Variants in WWC2 observed in about 807,000 individuals in gnomAD.
WWC2 encodes the protein WW and C2 domain containing 2.
In WWC2, 101 loss-of-function variants were observed where a neutral mutation model predicts 138.5. That is an observed-to-expected ratio of 0.73 (90% CI 0.62 to 0.86). The LOEUF (loss-of-function observed/expected upper bound fraction) is 0.86. Ranked by LOEUF, WWC2 falls within the 40% of genes least tolerant of loss-of-function variation. WWC2 has a pLI of 0.00. For missense variants in WWC2, 1,420 were observed against 1,419.4 expected (o/e 1.00, Z -0.01); for synonymous variants, 558 against 538.4 (o/e 1.04, Z -0.50).
intron 4 of WWC2, among the ~76,000 whole-genome samples, chr4:183,211,254 G>A (rs1735587505): frequency 6.6e-6 from 1 of 152,130 alleles, no homozygotes; most frequent in South Asian, 2.1e-4. Flanking sequence ...CAAGGTGGGA[G>A]GATCGCTTGA....
At chr4:183,292,284 G>A (rs1738481308) in intron 21 of WWC2, among the ~76,000 whole-genome samples, 2 of 151,814 alleles carry the variant, frequency 1.3e-5, no homozygotes, top group Non-Finnish European at 2.9e-5. Context: ...AGTGCTTTGG[G>A]AGGCCAGAGT....
At chr4:183,142,059 G>T (rs1189699735) in intron 1 of WWC2, among the ~76,000 whole-genome samples, 1 of 152,178 alleles carries the variant, frequency 6.6e-6, no homozygotes, top group Non-Finnish European at 1.5e-5. Context: ...CAGTTTGGTG[G>T]GTTGGAGTGC....
In WWC2 at chr4:183,207,990, G is replaced by C. The variant is rs199755523; in HGVS notation, c.279G>C (p.Arg93Ser). ...TQIEDPRKQWRGEQEKMLKDY... is the reference protein window; with the variant it reads ...TQIEDPRKQWSGEQEKMLKDY... ...TAGAAGATCCAAGAAAACAATGGAG[G>C]GGGGAACAGGAGAAGATGCTCAAGG... Residue 93 changes from arginine (R) to serine (S), a missense_variant, in exon 3 of 23, where the codon AGG (arginine) becomes AGC (serine). Arg to Ser is a moderately radical substitution (Grantham distance 110). Transcript: ENST00000403733. 17 of 1,612,950 alleles carry C rather than the reference G, an allele frequency of 1.1e-5. No homozygotes were observed. Among genetic ancestry groups the C allele is most frequent in the Admixed American group, 3.3e-5 (2 of 59,920 alleles).
chr4:183,115,666 G>A (rs10013421), intron 1 of WWC2, among the ~76,000 whole-genome samples: 7,979 of 152,102 alleles, frequency 0.052, 254 homozygotes, highest in African/African-American at 0.091. Flanking sequence ...ATGTCTGTTC[G>A]TGTCCGTTGC....
At chr4:183,204,938 T>C (rs1223687141) in intron 2 of WWC2, among the ~76,000 whole-genome samples, 3 of 152,242 alleles carry the variant, frequency 2.0e-5, no homozygotes, top group Non-Finnish European at 4.4e-5. Context: ...GTTGAGTATT[T>C]TGTTTCATTT....
chr4:183,102,779 C>T (rs1281691162), intron 1 of WWC2, among the ~76,000 whole-genome samples: 1 of 152,096 alleles, frequency 6.6e-6, no homozygotes, highest in African/African-American at 2.4e-5. Context: ...TGTAGGTTTA[C>T]CCCCTCTTCT....
chr4:183,220,963 A>G (rs548694356), intron 4 of WWC2, among the ~76,000 whole-genome samples: 11 of 152,348 alleles, frequency 7.2e-5, no homozygotes, highest in East Asian at 1.9e-4. Flanking sequence ...TAAGAAAGCT[A>G]ATATACTAAA....
At chr4:183,262,636 G>A (rs948991342) in intron 11 of WWC2, among the ~76,000 whole-genome samples, 1 of 152,212 alleles carries the variant, frequency 6.6e-6, no homozygotes, top group African/African-American at 2.4e-5. Context: ...CTGGGGAGAT[G>A]TCAAAGCTAC....
At chr4:183,138,707 C>T (rs1733199459) in intron 1 of WWC2, among the ~76,000 whole-genome samples, 1 of 152,208 alleles carries the variant, frequency 6.6e-6, no homozygotes. Context: ...ATTTCCTTTT[C>T]TGGCTACTGC....
At chr4:183,136,310 C>A (rs1733111649) in intron 1 of WWC2, among the ~76,000 whole-genome samples, 1 of 151,984 alleles carries the variant, frequency 6.6e-6, no homozygotes, top group African/African-American at 2.4e-5. Flanking sequence ...TTTGGGGCTT[C>A]CTTTTGGATA....
intron 1 of WWC2, among the ~76,000 whole-genome samples, chr4:183,188,972 T>G (rs529167854): frequency 1.8e-4 from 27 of 152,224 alleles, no homozygotes; most frequent in African/African-American, 5.3e-4. Flanking sequence ...TTCCAATCAT[T>G]TAAGCTAATT....
intron 1 of WWC2, among the ~76,000 whole-genome samples, chr4:183,132,457 CTTTT>C (rs761800223): frequency 7.0e-6 from 1 of 142,610 alleles, no homozygotes; most frequent in Non-Finnish European, 1.5e-5. Context: ...TTTTCTGTTT[CTTTT>C]TTTTTTTTTT....
Position 183,173,764 on chromosome 4 carries a change from G to A in WWC2, c.132-19835G>A, listed in dbSNP as rs934639476. Among the ~76,000 whole-genome samples, 2 of 152,110 alleles carry A rather than the reference G, an allele frequency of 1.3e-5. 1 individual carries two copies. The highest frequency in any genetic ancestry group is 1.3e-4 in the Admixed American group (2 of 15,278). ...CGGGGATTCATCCAGAGCCACTTTG[G>A]ACTTGGCTTGAATGGGAAGTAAATG... On this transcript the variant is annotated intron_variant, in intron 1 of 22. Coordinates refer to ENST00000403733, the MANE Select transcript of WWC2 (RefSeq NM_024949.6).
At position 183,318,001 on chromosome 4, in the gene WWC2, C is replaced by G; in HGVS notation, c.*2272C>G. 6.6e-6 allele frequency: 1 copy of G among 152,146 alleles called. No individual in the cohort carries two copies. Among genetic ancestry groups the G allele is most frequent in the South Asian group, 2.1e-4 (1 of 4,830 alleles). 9.4% of individuals were successfully genotyped at this position (152,146 alleles called of 1,614,324 possible). On this transcript the variant is annotated 3_prime_UTR_variant, in exon 23 of 23. Transcript: ENST00000403733. The stretch of plus-strand genomic sequence containing the variant: ...TATAGGCAGCTTTTAATAATCTTGT[C>G]ATATTTGTACTAACCCAAATGATTC...
At chr4:183,182,160 T>C (rs940661491) in intron 1 of WWC2, among the ~76,000 whole-genome samples, 19 of 152,232 alleles carry the variant, frequency 1.2e-4, no homozygotes, top group African/African-American at 4.3e-4. Context: ...TTCTTAAGTT[T>C]TGATAAAAGT....
At chr4:183,180,681 A>C (rs1047038850) in intron 1 of WWC2, among the ~76,000 whole-genome samples, 4 of 152,184 alleles carry the variant, frequency 2.6e-5, no homozygotes, top group African/African-American at 9.7e-5. Flanking sequence ...ATGCTATATA[A>C]TAACATTATA....
intron 5 of WWC2, 117 bp downstream of exon 5, chr4:183,240,379 GT>G: frequency 3.1e-6 from 2 of 654,566 alleles, no homozygotes; most frequent in South Asian, 1.0e-4. Context: ...AAGTAAAAAA[GT>G]TCAGAGCTCT....
At chr4:183,280,607 T>C (rs1433586109) in intron 16 of WWC2, among the ~76,000 whole-genome samples, 169 bp from the exon 17 acceptor site, 1 of 152,166 alleles carries the variant, frequency 6.6e-6, no homozygotes, top group East Asian at 1.9e-4. Context: ...TTAAAACATC[T>C]GAGAGGTTTT....
In WWC2 at chr4:183,220,252, A is replaced by G. The variant is rs533942597; in HGVS notation, c.522+11227A>G. Among the ~76,000 whole-genome samples the G allele has an allele frequency of 7.9e-5, 12 of 152,244 alleles. 1 individual carries two copies. Among genetic ancestry groups the G allele is most frequent in the East Asian group, 3.9e-4 (2 of 5,168 alleles). On this transcript the variant is annotated intron_variant, in intron 4 of 22. Transcript: ENST00000403733. The stretch of plus-strand genomic sequence containing the variant: ...CTAACACCCTGATTTCAGCTTTGTG[A>G]TAATTTGACCAGAGAGCCCAGAGAA...
Sources: allele counts gnomAD v4.1 joint callset (sites outside exome capture counted in the v4.1 genomes callset), GRCh38; gene constraint gnomAD v4.1.1; transcripts MANE v1.5; gene names NCBI Gene and HGNC (gene_info 2026-07-23, HGNC 2026-07-21).